The following FBXW10 variants were observed in gnomAD, a reference collection of about 807,000 sequenced individuals.
The protein encoded by FBXW10 is F-box/WD repeat-containing protein 10.
FBXW10 carries 68 observed loss-of-function variants against 113.1 expected under a neutral mutation model. That is an observed-to-expected ratio of 0.60 (90% CI 0.49 to 0.74). FBXW10 has a LOEUF of 0.74. Among genes scored for constraint, FBXW10 ranks in the 30% least tolerant of loss-of-function variants. The pLI is 0.00. For synonymous variants in FBXW10, 289 were observed against 481.6 expected (o/e 0.60, Z 5.24); for missense variants, 753 against 1,284.5 (o/e 0.59, Z 6.32).
chr17:18,756,700 C>T (rs1281070386), intron 6 of FBXW10, among the ~76,000 whole-genome samples: 1 of 152,004 alleles, frequency 6.6e-6, no homozygotes, highest in Non-Finnish European at 1.5e-5. Context: ...ATATGACAAT[C>T]GTATTTATAA....
At chr17:18,777,122 C>A (rs1275392821) in intron 13 of FBXW10, among the ~76,000 whole-genome samples, 5 of 144,824 alleles carry the variant, frequency 3.5e-5, no homozygotes, top group African/African-American at 5.2e-5. Context: ...AGTGCAGTGG[C>A]GTGATCTCGG....
In FBXW10 at chr17:18,758,427, A is replaced by G. The variant is rs376635428; in HGVS notation, c.1355A>G (p.His452Arg). The G allele has an allele frequency of 9.3e-6, 15 of 1,611,128 alleles. No individual in the cohort carries two copies. The highest frequency in any genetic ancestry group is 1.3e-5 in the Non-Finnish European group (15 of 1,178,954). The change falls in exon 7 of 14, where the codon CAT (histidine) becomes CGT (arginine). Residue 452 changes from histidine (H) to arginine (R), a missense_variant. His to Arg is a conservative substitution (Grantham distance 29). Coordinates refer to ENST00000395665, the MANE Select transcript of FBXW10 (RefSeq NM_001267585.2). The stretch of plus-strand genomic sequence containing the variant: ...GCGATACCCGTTGAATTCCGAGGCC[A>G]TGCTGGGAGTGTCCGGGCCCTCTTC... ...VKAIPVEFRG[H>R]AGSVRALFLC...
At chr17:18,769,558 C>G (rs529310221) in intron 10 of FBXW10, 220 of 181,106 alleles carry the variant, frequency 1.2e-3, no homozygotes, top group African/African-American at 4.9e-3. Context: ...AGGTGGATCA[C>G]CTGAGGTCAG....
Position 18,779,181 on chromosome 17 carries a change from T to C in FBXW10, c.3042T>C (p.Asp1014=), listed in dbSNP as rs1468545941. 1.5e-6 allele frequency: 2 copies of C among 1,322,532 alleles called. 1 individual carries two copies. The highest frequency in any genetic ancestry group is 3.3e-5 in the African/African-American group (2 of 60,282). The allele number at this position is 1,322,532 out of a possible 1,614,324, so 81.9% of individuals were successfully genotyped here. The change falls in exon 14 of 14, where the codon GAT becomes GAC. Residue 1014 remains aspartate, a synonymous_variant. Transcript: ENST00000395665. ...YQARESTGVV[D]PGKVSKAAWI... ...CCAGGGAGTCCACTGGAGTGGTTGA[T>C]CCAGGAAAAGTCAGCAAAGCTGCAT...
chr17:18,765,007 C>T (rs2035464543), intron 8 of FBXW10, 144 bp downstream of exon 8: 1 of 1,561,364 alleles, frequency 6.4e-7, no homozygotes, highest in East Asian at 2.3e-5. Flanking sequence ...ACCCATCCTT[C>T]CTTCCTTCCA....
At chr17:18,774,334 C>G (rs779200766) in intron 12 of FBXW10, among the ~76,000 whole-genome samples, 1 of 152,256 alleles carries the variant, frequency 6.6e-6, no homozygotes, top group Non-Finnish European at 1.5e-5. Context: ...TTCCCTGTCA[C>G]ATACGTCAGT....
At chr17:18,763,226 G>A (rs1157771039) in intron 7 of FBXW10, among the ~76,000 whole-genome samples, 2 of 150,396 alleles carry the variant, frequency 1.3e-5, no homozygotes, top group Non-Finnish European at 3.0e-5. Context: ...GCGCCATCTC[G>A]GCTCACTGCA....
At position 18,766,758 on chromosome 17, in the gene FBXW10, A is replaced by C; in HGVS notation, c.1600A>C (p.Lys534Gln). The change falls in exon 9 of 14, where the codon AAA (lysine) becomes CAA (glutamine). Residue 534 changes from lysine to glutamine, a missense_variant. By Grantham distance (53) the Lys-to-Gln change is moderately conservative. Transcript: ENST00000395665. Reference protein sequence around the residue: ...TGKCLKTFRHKDPILATRIND... With the variant: ...TGKCLKTFRHQDPILATRIND... ...GAAGTGCCTGAAGACGTTTAGACAC[A>C]AAGACCCCATCTTGGCCACCAGGAT... The C allele has an allele frequency of 6.2e-7, 1 of 1,613,674 alleles. No individual in the cohort carries two copies. Among genetic ancestry groups the C allele is most frequent in the Non-Finnish European group, 8.5e-7 (1 of 1,179,654 alleles).
chr17:18,769,703 G>A (rs2035570670), intron 10 of FBXW10: 2 of 515,844 alleles, frequency 3.9e-6, no homozygotes, highest in African/African-American at 3.9e-5. Flanking sequence ...CTTGTATCTG[G>A]TAGGTGGGGG....
At chr17:18,757,000 G>C (rs544979522) in intron 6 of FBXW10, among the ~76,000 whole-genome samples, 1 of 151,850 alleles carries the variant, frequency 6.6e-6, no homozygotes, top group African/African-American at 2.4e-5. Flanking sequence ...TTGAATTCTA[G>C]GTATGACCAA....
Position 18,778,594 on chromosome 17 carries a change from G to C in FBXW10, c.2455G>C (p.Val819Leu), listed in dbSNP as rs1428225503. The C allele has an allele frequency of 6.2e-7, 1 of 1,613,966 alleles. No individual in the cohort carries two copies. Among genetic ancestry groups the C allele is most frequent in the Non-Finnish European group, 8.5e-7 (1 of 1,179,864 alleles). Residue 819 changes from valine (V) to leucine (L), a missense_variant, in exon 14 of 14, where the codon GTT (valine) becomes CTT (leucine). Val to Leu is a conservative substitution (Grantham distance 32, BLOSUM62 1). Coordinates refer to ENST00000395665, the MANE Select transcript of FBXW10 (RefSeq NM_001267585.2). ...PMSPDQFLLT[V>L]SALQHAHNSG... ...GTCACCTGACCAATTCCTCCTGACTGTTAGCGCCCTGCAGCACGCCCATAA... is the reference window on the plus strand; with the variant it reads ...GTCACCTGACCAATTCCTCCTGACTCTTAGCGCCCTGCAGCACGCCCATAA...
rs1184747527 is a variant in FBXW10, at chr17:18,750,844, A to G, written c.1000-87A>G. On this transcript the variant is annotated intron_variant, in intron 4 of 13. Transcript: ENST00000395665. ...CATCCTTCACATTTTGCCAAGAACT[A>G]GTTTTTCCCTTCCTCCTGCAGAGTT... is the stretch of plus-strand genomic sequence containing the variant. The G allele has an allele frequency of 8.2e-6, 12 of 1,464,994 alleles. No homozygotes were observed. In the East Asian group the frequency reaches 2.3e-4, roughly 27 times the overall value. The allele number at this position is 1,464,994 out of a possible 1,614,324, so 90.7% of individuals were successfully genotyped here.
At chr17:18,761,922 G>GCATCC (rs1315338617) in intron 7 of FBXW10, among the ~76,000 whole-genome samples, 2 of 151,980 alleles carry the variant, frequency 1.3e-5, no homozygotes, top group East Asian at 3.9e-4. Context: ...TCTCTTATTA[G>GCATCC]TTGTAAAAGC....
intron 7 of FBXW10, among the ~76,000 whole-genome samples, chr17:18,762,317 TC>T (rs1286006238): frequency 2.0e-5 from 3 of 150,008 alleles, no homozygotes; most frequent in Admixed American, 6.6e-5. Context: ...CAATATATTA[TC>T]TTTTTTTTTT....
At chr17:18,764,241 T>C (rs1226872062) in intron 7 of FBXW10, among the ~76,000 whole-genome samples, 2 of 150,774 alleles carry the variant, frequency 1.3e-5, no homozygotes, top group African/African-American at 4.9e-5. Flanking sequence ...CTCGCTCTAT[T>C]GGCAGGCTGG....
intron 7 of FBXW10, among the ~76,000 whole-genome samples, chr17:18,761,686 T>A (rs891331474): frequency 2.6e-5 from 4 of 152,250 alleles, no homozygotes; most frequent in Non-Finnish European, 4.4e-5. Context: ...TATAGATTAG[T>A]TTGGTAAACA....
intron 7 of FBXW10, among the ~76,000 whole-genome samples, chr17:18,759,307 G>T (rs2035334108): frequency 6.6e-6 from 1 of 152,068 alleles, no homozygotes; most frequent in Admixed American, 6.6e-5. Flanking sequence ...CTGCCAACCA[G>T]AGGTAATATT....
Position 18,762,595 on chromosome 17 carries a change from T to C in FBXW10, c.1434-2147T>C, listed in dbSNP as rs543267116. On this transcript the variant is annotated intron_variant, in intron 7 of 13. Coordinates refer to ENST00000395665, the MANE Select transcript of FBXW10 (RefSeq NM_001267585.2). The stretch of plus-strand genomic sequence containing the variant: ...CCTCGGCCTACCAAAGTGCTGGAAT[T>C]ACAGGCATGAGCCACCACGCCCGGC... 3.4e-3 allele frequency among the ~76,000 whole-genome samples: 513 copies of C among 152,236 alleles called. 3 individuals are homozygous for C. Among genetic ancestry groups the C allele is most frequent in the Non-Finnish European group, 3.6e-3 (248 of 68,012 alleles).
At chr17:18,747,149 A>G (rs180700641) in intron 1 of FBXW10, among the ~76,000 whole-genome samples, 2 of 151,996 alleles carry the variant, frequency 1.3e-5, no homozygotes, top group African/African-American at 4.8e-5. Flanking sequence ...GATGGTCTCC[A>G]TCTCCTGACC....
Sources: gnomAD v4.1 joint callset for allele counts (sites outside exome capture counted in the v4.1 genomes callset) on GRCh38, gnomAD v4.1.1 for gene constraint, MANE v1.5 for transcripts, NCBI Gene and HGNC (gene_info 2026-07-23, HGNC 2026-07-21) for gene names.